CYP3A43: variants seen among roughly 807,000 people sequenced by gnomAD.
CYP3A43 encodes cytochrome P450 family 3 subfamily A member 43, also known as cytochrome P450 3A43.
Under a neutral mutation model 58.0 loss-of-function variants are expected in CYP3A43, and 45 were observed. The ratio of observed to expected loss-of-function variants is 0.78; its 90% confidence interval spans 0.61 to 0.99. The LOEUF (loss-of-function observed/expected upper bound fraction) is 0.99. CYP3A43 is among the 50% of genes least tolerant of loss of function. The pLI is 0.00. For missense variants in CYP3A43, 593 were observed against 591.9 expected (o/e 1.00, Z -0.02); for synonymous variants, 191 against 201.4 (o/e 0.95, Z 0.44).
intron 2 of CYP3A43, chr7:99,838,844 G>C: frequency 1.9e-6 from 1 of 531,634 alleles, no homozygotes; most frequent in South Asian, 2.0e-5. Context: ...GCTGGGTGTG[G>C]TGGCGGGCCC....
chr7:99,836,590 A>G (rs942392515), intron 2 of CYP3A43, 44 bp downstream of exon 2: 1 of 1,431,990 alleles, frequency 7.0e-7, no homozygotes, highest in Non-Finnish European at 9.5e-7. Context: ...TATCGATGCA[A>G]ACCCAAGCTT....
intron 11 of CYP3A43, among the ~76,000 whole-genome samples, chr7:99,862,495 T>C (rs1161450878): frequency 6.6e-6 from 1 of 152,212 alleles, no homozygotes; most frequent in Non-Finnish European, 1.5e-5. Context: ...TACTCTCAGT[T>C]GTTGATGACT....
At chr7:99,860,144 G>C (rs778320555) in intron 10 of CYP3A43, among the ~76,000 whole-genome samples, 154 bp downstream of exon 10, 3 of 152,202 alleles carry the variant, frequency 2.0e-5, no homozygotes, top group African/African-American at 7.2e-5. Flanking sequence ...AAAACAAAGG[G>C]AGAATCGTAG....
At chr7:99,828,927 A>T (rs1156973390) in intron 1 of CYP3A43, among the ~76,000 whole-genome samples, 2 of 152,204 alleles carry the variant, frequency 1.3e-5, no homozygotes, top group Admixed American at 1.3e-4. Context: ...GATAATACTT[A>T]TTCTTTGGAG....
Position 99,855,598 on chromosome 7 carries a change from T to C in CYP3A43, c.678T>C (p.Phe226=), listed in dbSNP as rs753068393. The change falls in exon 8 of 13, where the codon TTT becomes TTC. Residue 226 remains phenylalanine (F), a synonymous_variant. Transcript: ENST00000354829. ...LDPFLLLISL[F]PFLTPVFEAL... is the part of the protein sequence containing the mutation. ...TATTTAATTTTCCTATAGCACTCTT[T>C]CCATTTCTTACCCCAGTTTTTGAAG... 7.0e-5 allele frequency: 112 copies of C among 1,608,288 alleles called. No homozygotes were observed. The highest frequency in any genetic ancestry group is 1.7e-4 in the African/African-American group (13 of 74,630).
intron 10 of CYP3A43, among the ~76,000 whole-genome samples, chr7:99,860,993 C>A (rs1009549797): frequency 5.9e-5 from 9 of 152,072 alleles, no homozygotes; most frequent in African/African-American, 2.2e-4. Context: ...CGTGCCTCAG[C>A]CACCTGAGTA....
rs772986644 is a variant in CYP3A43 at position 99,856,862 on chromosome 7, C to T, written c.828C>T (p.Ile276=). 1.4e-5 allele frequency: 22 copies of T among 1,613,668 alleles called. No homozygotes were observed. Among genetic ancestry groups the T allele is most frequent in the Admixed American group, 5.0e-5 (3 of 59,942 alleles). ...KHRVDFFQQM[I]DSQNSKETKS... ...GAGTAGATTTCTTTCAACAGATGAT[C>T]GACTCCCAGAATTCCAAAGAAACAA... Residue 276 remains isoleucine (I), a synonymous_variant, in exon 9 of 13, where the codon ATC becomes ATT. Coordinates refer to ENST00000354829, the MANE Select transcript of CYP3A43 (RefSeq NM_057095.3).
Position 99,849,626 on chromosome 7 carries a change from A to T in CYP3A43, c.602A>T (p.Asp201Val). 1.2e-6 allele frequency: 2 copies of T among 1,613,022 alleles called. No individual in the cohort carries two copies. Among genetic ancestry groups the T allele is most frequent in the Non-Finnish European group, 1.7e-6 (2 of 1,179,772 alleles). ...VNLDSLNNPQ[D>V]PFLKNMKKLL... ...TTGGATTCTCTCAACAATCCACAAG[A>T]TCCCTTTCTGAAAAATATGAAGAAG... The change falls in exon 7 of 13, where the codon GAT becomes GTT. Residue 201 changes from aspartate (D) to valine (V), a missense_variant. Physicochemically the swap from Asp to Val is radical, Grantham distance 152 (BLOSUM62 -3). Coordinates refer to ENST00000354829, the MANE Select transcript of CYP3A43 (RefSeq NM_057095.3).
At chr7:99,831,011 T>C (rs1816819930) in intron 1 of CYP3A43, among the ~76,000 whole-genome samples, 1 of 152,244 alleles carries the variant, frequency 6.6e-6, no homozygotes, top group South Asian at 2.1e-4. Context: ...TGGGGATGCT[T>C]TCTGATTGAC....
chr7:99,851,304 T>G (rs1381219638), intron 7 of CYP3A43, among the ~76,000 whole-genome samples: 1 of 152,236 alleles, frequency 6.6e-6, no homozygotes, highest in Non-Finnish European at 1.5e-5. Context: ...TGATTTTTCT[T>G]CTTTTAGGTA....
At chr7:99,852,121 G>T (rs1817785422) in intron 7 of CYP3A43, among the ~76,000 whole-genome samples, 1 of 152,184 alleles carries the variant, frequency 6.6e-6, no homozygotes, top group Non-Finnish European at 1.5e-5. Context: ...GAGACATGTG[G>T]ATGTATTCTG....
chr7:99,864,672 A>AGT (rs1818379282), intron 12 of CYP3A43, among the ~76,000 whole-genome samples: 1 of 148,828 alleles, frequency 6.7e-6, no homozygotes, highest in South Asian at 2.1e-4. Flanking sequence ...AAAGTCCAAT[A>AGT]GTGTCTTGCA....
At chr7:99,850,732 A>T (rs1038003298) in intron 7 of CYP3A43, among the ~76,000 whole-genome samples, 5 of 152,214 alleles carry the variant, frequency 3.3e-5, no homozygotes, top group Non-Finnish European at 7.3e-5. Context: ...AGCACACATC[A>T]TATAAATTGA....
At chr7:99,849,436 T>C (rs1817661743) in intron 6 of CYP3A43, 110 bp from the exon 7 acceptor site, 1 of 1,260,518 alleles carries the variant, frequency 7.9e-7, no homozygotes, top group Non-Finnish European at 1.1e-6. Flanking sequence ...GTTCTGATTG[T>C]GTGTGGGTTT....
intron 11 of CYP3A43, among the ~76,000 whole-genome samples, chr7:99,862,621 T>C (rs182407992): frequency 6.6e-6 from 1 of 152,338 alleles, no homozygotes; most frequent in African/African-American, 2.4e-5. Context: ...CAATTTGCAC[T>C]CTGGAAATAG....
At chr7:99,855,811 T>C in intron 8 of CYP3A43, 93 bp downstream of exon 8, 1 of 1,385,460 alleles carries the variant, frequency 7.2e-7, no homozygotes, top group Non-Finnish European at 9.8e-7. Context: ...CTGTGTTTTT[T>C]AAAGGCAGCT....
chr7:99,832,852 A>G (rs1816904504), intron 1 of CYP3A43, among the ~76,000 whole-genome samples: 1 of 152,148 alleles, frequency 6.6e-6, no homozygotes, highest in Non-Finnish European at 1.5e-5. Context: ...CTCCCCAGCC[A>G]TGGAGAACTG....
In CYP3A43 at chr7:99,860,055, C is replaced by T. The variant is rs149773526; in HGVS notation, c.1026+65C>T. On this transcript the variant is annotated intron_variant, in intron 10 of 12. Transcript: ENST00000354829. ...AGCCTCAGCAAGAATGCCTCCTCAC[C>T]ACTTGCCAGGACAATTTTTGCAAAA... 4 of 1,520,374 alleles carry T rather than the reference C, an allele frequency of 2.6e-6. No individual in the cohort carries two copies. The African/African-American group carries it at 5.6e-5, about 21-fold the overall frequency. The allele number at this position is 1,520,374 out of a possible 1,614,324, so 94.2% of individuals were successfully genotyped here. A position where few individuals can be genotyped will look rare whatever the true frequency, so the allele number is the denominator to read the frequency against.
intron 7 of CYP3A43, among the ~76,000 whole-genome samples, chr7:99,850,576 T>C (rs915998552): frequency 4.6e-5 from 7 of 152,118 alleles, no homozygotes; most frequent in Admixed American, 4.6e-4. Context: ...CAGGCTGGTC[T>C]TGAACTCCTG....
Sources: allele counts gnomAD v4.1 joint callset (sites outside exome capture counted in the v4.1 genomes callset), GRCh38; gene constraint gnomAD v4.1.1; transcripts MANE v1.5; gene names NCBI Gene and HGNC (gene_info 2026-07-23, HGNC 2026-07-21).